LIMS1: variants seen among roughly 807,000 people sequenced by gnomAD.
LIMS1 encodes the protein LIM and senescent cell antigen-like-containing domain protein 1.
In LIMS1, 18 loss-of-function variants were observed where a neutral mutation model predicts 44.1. The ratio of observed to expected loss-of-function variants is 0.41; its 90% CI spans 0.28 to 0.61. The LOEUF (loss-of-function observed/expected upper bound fraction) is 0.61. LIMS1 is among the 20% of genes least tolerant of loss of function. The probability of loss-of-function intolerance (pLI) is 0.32; values close to 1 mark genes in which losing one functional copy is unlikely to be tolerated. For missense variants in LIMS1, 201 were observed against 422.0 expected, an observed-to-expected ratio of 0.48 and a Z score of 4.59; for synonymous variants, 93 against 149.1, an observed-to-expected ratio of 0.62 and a Z score of 2.74.
intron 1 of LIMS1, among the ~76,000 whole-genome samples, chr2:108,544,978 G>C (rs916514175): frequency 6.6e-6 from 1 of 152,130 alleles, no homozygotes; most frequent in Non-Finnish European, 1.5e-5. Context: ...GTAATTCCTT[G>C]ATATCATCAA....
At chr2:108,635,429 T>TAAAAAAA (rs70956264) in intron 1 of LIMS1, among the ~76,000 whole-genome samples, 28 of 86,696 alleles carry the variant, frequency 3.2e-4, no homozygotes, top group South Asian at 4.6e-4. Context: ...ACTTCATCTC[T>TAAAAAAA]AAAAAAAAAA....
intron 9 of LIMS1, among the ~76,000 whole-genome samples, chr2:108,682,361 A>G (rs1396243950): frequency 6.6e-6 from 1 of 152,088 alleles, no homozygotes; most frequent in Non-Finnish European, 1.5e-5. Context: ...TTAGCCAGGC[A>G]TGGTGGCGGG....
chr2:108,548,817 A>G (rs1199673672), intron 1 of LIMS1, among the ~76,000 whole-genome samples: 4 of 152,178 alleles, frequency 2.6e-5, no homozygotes, highest in Admixed American at 6.5e-5. Context: ...TGGGAACTCC[A>G]AGGATATAAG....
chr2:108,595,155 A>G (rs946352652), intron 1 of LIMS1, among the ~76,000 whole-genome samples: 6 of 152,186 alleles, frequency 3.9e-5, no homozygotes, highest in African/African-American at 1.4e-4. Context: ...TCGTGACCAC[A>G]GGAAGGCCCT....
At chr2:108,674,198 C>T (rs1483456148) in intron 5 of LIMS1, among the ~76,000 whole-genome samples, 3 of 151,530 alleles carry the variant, frequency 2.0e-5, no homozygotes. Context: ...GGCACGGTGG[C>T]GGGTGCCTAT....
intron 1 of LIMS1, among the ~76,000 whole-genome samples, chr2:108,650,171 A>G (rs1410416959): frequency 1.3e-5 from 2 of 152,222 alleles, no homozygotes. Flanking sequence ...TAGTAGTTTC[A>G]GTCAAATTTG....
intron 1 of LIMS1, among the ~76,000 whole-genome samples, chr2:108,550,820 A>AC (rs1684661446): frequency 6.6e-6 from 1 of 150,822 alleles, no homozygotes; most frequent in Non-Finnish European, 1.5e-5. Context: ...CGTCTCAAAA[A>AC]AAAAAAAACC....
intron 1 of LIMS1, among the ~76,000 whole-genome samples, chr2:108,593,211 T>G (rs1686494782): frequency 6.6e-6 from 1 of 152,120 alleles, no homozygotes; most frequent in African/African-American, 2.4e-5. Context: ...TAAATTCACT[T>G]TAGTGCCTGA....
intron 1 of LIMS1, among the ~76,000 whole-genome samples, chr2:108,642,311 G>A (rs1329966229): frequency 6.7e-6 from 1 of 149,414 alleles, no homozygotes; most frequent in African/African-American, 2.5e-5. Context: ...TACTACTTAA[G>A]AGGAGTAATT....
At chr2:108,662,511 A>T (rs1053772) in intron 2 of LIMS1, 30 of 1,303,284 alleles carry the variant, frequency 2.3e-5, no homozygotes, top group South Asian at 1.1e-4. Context: ...CCAGTTCAAG[A>T]TCTGTTGGGT....
At chr2:108,664,531 T>C (rs1691612137) in intron 2 of LIMS1, among the ~76,000 whole-genome samples, 1 of 152,242 alleles carries the variant, frequency 6.6e-6, no homozygotes, top group Non-Finnish European at 1.5e-5. Flanking sequence ...CTTATTGTAT[T>C]CGTTGTTTAA....
At chr2:108,587,399 A>G (rs183977147) in intron 1 of LIMS1, among the ~76,000 whole-genome samples, 42 of 147,962 alleles carry the variant, frequency 2.8e-4, no homozygotes, top group Non-Finnish European at 4.3e-4. Context: ...TGGTCTCCCT[A>G]TGTTGCCTAG....
At chr2:108,541,823 G>A (rs1156523608) in intron 1 of LIMS1, among the ~76,000 whole-genome samples, 2 of 152,212 alleles carry the variant, frequency 1.3e-5, no homozygotes, top group African/African-American at 4.8e-5. Flanking sequence ...AATTCCTGGA[G>A]CATTAATTTA....
At chr2:108,681,214 C>A in intron 9 of LIMS1, 9 of 1,252,438 alleles carry the variant, frequency 7.2e-6, no homozygotes, top group Middle Eastern at 3.1e-4. Context: ...CTTTCTTCCC[C>A]CCCTGCAACT....
rs1275032712 is a variant in LIMS1 at position 108,534,453 on chromosome 2, C to A, written c.-110C>A. 2.1e-5 allele frequency: 19 copies of A among 908,342 alleles called. No homozygotes were observed. The highest frequency in any genetic ancestry group is 2.0e-4 in the African/African-American group (11 of 55,916). The allele number at this position is 908,342 out of a possible 1,614,324, so 56.3% of individuals were successfully genotyped here. The stretch of plus-strand genomic sequence containing the variant: ...GCCGGCCCCTGGCCTTCCTCCCCTT[C>A]CTGCTCCGGGCCCGCCAGTAGCCGG... On this transcript the variant is annotated 5_prime_UTR_variant, in exon 1 of 10. Coordinates refer to ENST00000544547, the Ensembl canonical transcript of LIMS1.
At chr2:108,621,709 TTA>T (rs1491369798) in intron 1 of LIMS1, among the ~76,000 whole-genome samples, 1 of 152,246 alleles carries the variant, frequency 6.6e-6, no homozygotes, top group Non-Finnish European at 1.5e-5. Context: ...TACAGTGTTG[TTA>T]TGTCTTTAAA....
chr2:108,658,796 T>C (rs1469151225), intron 1 of LIMS1, among the ~76,000 whole-genome samples: 2 of 152,304 alleles, frequency 1.3e-5, no homozygotes, highest in African/African-American at 4.8e-5. Flanking sequence ...CTATGAAACG[T>C]GGTGGTATCC....
At chr2:108,610,167 TGTGTGTGTGTGTGTG>T (rs1687520627) in intron 1 of LIMS1, among the ~76,000 whole-genome samples, 1 of 145,156 alleles carries the variant, frequency 6.9e-6, no homozygotes, top group Admixed American at 7.0e-5. Flanking sequence ...TGTGTGTGTG[TGTGTGTGTGTGTGTG>T]TGTGTGTGTG....
chr2:108,566,562 G>A (rs140645164), intron 1 of LIMS1, among the ~76,000 whole-genome samples: 146 of 152,122 alleles, frequency 9.6e-4, no homozygotes, highest in African/African-American at 3.3e-3. Flanking sequence ...TCATGCTGCT[G>A]TTGTCGTAAA....
Sources: allele counts gnomAD v4.1 joint callset (sites outside exome capture counted in the v4.1 genomes callset), GRCh38; gene constraint gnomAD v4.1.1; transcripts MANE v1.5; gene names NCBI Gene and HGNC (gene_info 2026-07-23, HGNC 2026-07-21).